Variants in ZMYND11 observed in about 807,000 individuals in gnomAD.
ZMYND11 encodes zinc finger MYND-type containing 11, also known as zinc finger MYND domain-containing protein 11.
In ZMYND11, 9 loss-of-function variants were observed where a neutral mutation model predicts 84.9. That is an observed-to-expected ratio of 0.11 (90% CI 0.06 to 0.18). The LOEUF (loss-of-function observed/expected upper bound fraction) is 0.18. Among genes scored for constraint, ZMYND11 ranks in the 10% least tolerant of loss-of-function variants. ZMYND11 has a pLI of 1.00. For missense variants in ZMYND11, 409 were observed against 761.0 expected (o/e 0.54, Z 5.44); for synonymous variants, 250 against 244.1 (o/e 1.02, Z -0.23).
chr10:231,655 A>T (rs538080300), intron 4 of ZMYND11, among the ~76,000 whole-genome samples: 1 of 152,298 alleles, frequency 6.6e-6, no homozygotes, highest in South Asian at 2.1e-4. Context: ...AGGCAGAAAC[A>T]CCGAAGGGCA....
intron 1 of ZMYND11, among the ~76,000 whole-genome samples, chr10:145,258 A>G (rs1457723793): frequency 1.3e-5 from 2 of 150,946 alleles, no homozygotes; most frequent in African/African-American, 4.9e-5. Flanking sequence ...ATATATATAT[A>G]TGTATATATA....
chr10:239,427 G>A lies in ZMYND11; in HGVS notation c.610-11G>A. ...AACTCTTTTCGTCATTCTGTTTTTT[G>A]CCCTCTGCAGAAAGTGAATGAAGGG... On this transcript the variant is annotated splice_polypyrimidine_tract_variant and intron_variant, in intron 6 of 14. Coordinates refer to ENST00000381604, the MANE Select transcript of ZMYND11 (RefSeq NM_001370100.5). The A allele has an allele frequency of 6.2e-7, 1 of 1,605,674 alleles. No homozygotes were observed. The highest frequency in any genetic ancestry group is 2.2e-5 in the East Asian group (1 of 44,770).
At chr10:239,196 T>A (rs1360581216) in intron 6 of ZMYND11, among the ~76,000 whole-genome samples, 2 of 152,218 alleles carry the variant, frequency 1.3e-5, no homozygotes, top group Non-Finnish European at 2.9e-5. Flanking sequence ...TTCACTCTGA[T>A]AAATTAATGT....
intron 1 of ZMYND11, among the ~76,000 whole-genome samples, chr10:177,915 T>C (rs1554767271): frequency 1.3e-5 from 2 of 152,172 alleles, no homozygotes. Context: ...CTTCCCTTCC[T>C]TTGTGCTTTG....
chr10:236,993 T>C (rs1446110397), intron 5 of ZMYND11, 78 bp downstream of exon 5: 5 of 1,369,328 alleles, frequency 3.7e-6, no homozygotes, highest in African/African-American at 1.4e-5. Flanking sequence ...AGTTGAATGA[T>C]CGAGAAGTAA....
chr10:148,904 T>G (rs1483393356), intron 1 of ZMYND11, among the ~76,000 whole-genome samples: 1 of 152,220 alleles, frequency 6.6e-6, no homozygotes, highest in Non-Finnish European at 1.5e-5. Context: ...CTAAGTCAAA[T>G]TTTCTTAAAT....
intron 4 of ZMYND11, among the ~76,000 whole-genome samples, chr10:221,788 C>T (rs571864954): frequency 6.6e-6 from 1 of 151,632 alleles, no homozygotes; most frequent in African/African-American, 2.4e-5. Context: ...GTAATGTTGC[C>T]TTTATTTTTG....
At chr10:176,038 G>A (rs1435678583) in intron 1 of ZMYND11, among the ~76,000 whole-genome samples, 1 of 152,096 alleles carries the variant, frequency 6.6e-6, no homozygotes, top group Admixed American at 6.6e-5. Flanking sequence ...TCACAAATAT[G>A]TATATATCAC....
At chr10:230,988 G>C (rs1429520147) in intron 4 of ZMYND11, among the ~76,000 whole-genome samples, 3 of 152,166 alleles carry the variant, frequency 2.0e-5, no homozygotes, top group African/African-American at 7.2e-5. Context: ...AGCTAAGAAT[G>C]ACTTTTACGT....
chr10:197,907 T>G, intron 2 of ZMYND11: 1 of 584,816 alleles, frequency 1.7e-6, no homozygotes, highest in Non-Finnish European at 3.0e-6. Context: ...TATTTCAATT[T>G]CAGATGTGAA....
chr10:139,487 G>T (rs2131101598), intron 1 of ZMYND11, among the ~76,000 whole-genome samples: 1 of 152,232 alleles, frequency 6.6e-6, no homozygotes, highest in South Asian at 2.1e-4. Context: ...TTGATACAGT[G>T]ATTTGTGCAG....
intron 8 of ZMYND11, among the ~76,000 whole-genome samples, chr10:240,340 C>T (rs1564445823): frequency 6.6e-6 from 1 of 152,046 alleles, no homozygotes; most frequent in Non-Finnish European, 1.5e-5. Context: ...CCTGTCTCTA[C>T]TAAAAATACA....
At position 220,795 on chromosome 10, in the gene ZMYND11, A is replaced by G. The variant is rs190045061; in HGVS notation, c.277-400A>G. Among the ~76,000 whole-genome samples, 504 of 151,504 alleles carry G rather than the reference A, an allele frequency of 3.3e-3. 4 individuals carry two copies. Among genetic ancestry groups the G allele is most frequent in the Middle Eastern group, 6.8e-3 (2 of 294 alleles). Reference sequence around the variant, plus strand: ...CAGTGTGTCAAGGACTGTTATATATATATATGTAAAGCAGAACAAAACAAA... The same window carrying G: ...CAGTGTGTCAAGGACTGTTATATATGTATATGTAAAGCAGAACAAAACAAA... On this transcript the variant is annotated intron_variant, in intron 3 of 14. Coordinates refer to ENST00000381604, the MANE Select transcript of ZMYND11 (RefSeq NM_001370100.5).
chr10:194,160 T>A (rs1941156897), intron 2 of ZMYND11, among the ~76,000 whole-genome samples: 1 of 139,736 alleles, frequency 7.2e-6, no homozygotes, highest in Non-Finnish European at 1.6e-5. Context: ...AATTTTTGAA[T>A]TTTTTTTTTG....
chr10:202,821 A>G (rs939744238), intron 2 of ZMYND11, among the ~76,000 whole-genome samples: 1 of 152,206 alleles, frequency 6.6e-6, no homozygotes, highest in African/African-American at 2.4e-5. Context: ...GTTGAGCCCA[A>G]CATGCTAGGA....
intron 2 of ZMYND11, among the ~76,000 whole-genome samples, chr10:206,119 G>A (rs1588940701): frequency 6.6e-6 from 1 of 152,052 alleles, no homozygotes; most frequent in African/African-American, 2.4e-5. Flanking sequence ...CGGCACTTTG[G>A]GAGGCCGAGG....
At chr10:158,984 G>GTTTTTTTTTTTTT (rs376931420) in intron 1 of ZMYND11, among the ~76,000 whole-genome samples, 3 of 40,024 alleles carry the variant, frequency 7.5e-5, no homozygotes, top group Non-Finnish European at 1.0e-4. Context: ...AGGGTTTTTT[G>GTTTTTTTTTTTTT]TTTTTTGTTT....
At chr10:228,231 C>CT (rs1417182401) in intron 4 of ZMYND11, among the ~76,000 whole-genome samples, 2 of 152,190 alleles carry the variant, frequency 1.3e-5, no homozygotes, top group African/African-American at 2.4e-5. Flanking sequence ...ACTGTATTAC[C>CT]TTCCTGTGGT....
chr10:246,824 G>T lies in ZMYND11; in HGVS notation c.1009G>T (p.Val337Leu), dbSNP rs1364416776. 6.2e-7 allele frequency: 1 copy of T among 1,614,116 alleles called. No individual in the cohort carries two copies. Among genetic ancestry groups the T allele is most frequent in the Non-Finnish European group, 8.5e-7 (1 of 1,180,036 alleles). The change falls in exon 11 of 15, where the codon GTG (valine) becomes TTG (leucine). Residue 337 changes from valine to leucine, a missense_variant. By Grantham distance (32) the Val-to-Leu change is conservative. Coordinates refer to ENST00000381604, the MANE Select transcript of ZMYND11 (RefSeq NM_001370100.5). ...CACAGTCAACATTCATCGGCTGCAC[G>T]TGAAGCGCAGTATGGGTTGGAAAAA... ...DITVNIHRLH[V>L]KRSMGWKKAC...
Sources: gnomAD v4.1 joint callset for allele counts (sites outside exome capture counted in the v4.1 genomes callset) on GRCh38, gnomAD v4.1.1 for gene constraint, MANE v1.5 for transcripts, NCBI Gene and HGNC (gene_info 2026-07-23, HGNC 2026-07-21) for gene names.